The following TEX11 variants were observed in gnomAD, a reference collection of about 807,000 sequenced individuals.
The protein encoded by TEX11 is testis expressed 11.
TEX11 carries 7 observed loss-of-function variants against 84.4 expected under a neutral mutation model. The ratio of observed to expected loss-of-function variants is 0.08; its 90% CI spans 0.05 to 0.16. The LOEUF is 0.16. Ranked by LOEUF, TEX11 falls within the 10% of genes least tolerant of loss-of-function variation. The probability of loss-of-function intolerance (pLI) is 1.00; values close to 1 mark genes in which losing one functional copy is unlikely to be tolerated. For synonymous variants in TEX11, 264 were observed against 222.8 expected, an observed-to-expected ratio of 1.18 and a Z score of -1.64; for missense variants, 551 against 660.5, an observed-to-expected ratio of 0.83 and a Z score of 1.82.
downstream of TEX11, among the ~76,000 whole-genome samples, chrX:70,524,098 G>A (rs1603021196): frequency 8.9e-6 from 1 of 111,905 alleles, no homozygotes; most frequent in African/African-American, 3.2e-5. Context: ...CTGGAAAAGT[G>A]TAGATAGTAC....
At chrX:70,619,457 C>T (rs1170610076) in intron 20 of TEX11, among the ~76,000 whole-genome samples, 1 of 111,401 alleles carries the variant, frequency 9.0e-6, no homozygotes, top group Non-Finnish European at 1.9e-5. Flanking sequence ...TCTGGACCAG[C>T]ACCTAATGTT....
chrX:70,736,539 G>T (rs1349073691), intron 11 of TEX11, among the ~76,000 whole-genome samples: 1 of 103,174 alleles, frequency 9.7e-6, no homozygotes, highest in Non-Finnish European at 2.0e-5. Flanking sequence ...TCTGAGTGAG[G>T]CAAAAAAAAA....
In TEX11 at chrX:70,755,968, A is replaced by G. The variant is rs189389033; in HGVS notation, c.693-11749T>C. On this transcript the variant is annotated intron_variant, in intron 9 of 29. Transcript: ENST00000374333. ...TCCCGTGCTTGGCTCGGCGGGTCCC[A>G]TGCCCAAGGAGCCTTGCTCACTGCT... is the stretch of plus-strand genomic sequence containing the variant. 5.3e-5 allele frequency among the ~76,000 whole-genome samples: 6 copies of G among 112,538 alleles called. No individual in the cohort carries two copies. The East Asian group carries it at 1.7e-3, about 32-fold the overall frequency.
chrX:70,688,550 A>G (rs1032976781), intron 13 of TEX11, among the ~76,000 whole-genome samples: 1 of 110,572 alleles, frequency 9.0e-6, no homozygotes, highest in Non-Finnish European at 1.9e-5. Flanking sequence ...CACAAAAGCA[A>G]AAAGAAGAGC....
At chrX:70,567,681 G>T (rs2088511402) in intron 25 of TEX11, among the ~76,000 whole-genome samples, 1 of 111,380 alleles carries the variant, frequency 9.0e-6, no homozygotes, top group Non-Finnish European at 1.9e-5. Flanking sequence ...TCATTCAGGA[G>T]CAGGTTGTTC....
chrX:70,887,741 G>A (rs2091717439), intron 2 of TEX11, among the ~76,000 whole-genome samples: 2 of 112,369 alleles, frequency 1.8e-5, no homozygotes, highest in South Asian at 3.7e-4. Flanking sequence ...TGGTAGCAGC[G>A]GGCCTTGGTT....
At chrX:70,574,725 G>T (rs1435157610) in intron 25 of TEX11, among the ~76,000 whole-genome samples, 1 of 111,778 alleles carries the variant, frequency 8.9e-6, no homozygotes, top group East Asian at 2.8e-4. Context: ...ATTCTATTTA[G>T]GGAGACAAAC....
At chrX:70,583,661 A>C (rs1641660136) in intron 25 of TEX11, among the ~76,000 whole-genome samples, 1 of 112,001 alleles carries the variant, frequency 8.9e-6, no homozygotes, top group African/African-American at 3.2e-5. Flanking sequence ...AGTCATCAGA[A>C]AAATGCAAAT....
At chrX:70,783,135 C>T (rs138285083) in intron 9 of TEX11, among the ~76,000 whole-genome samples, 7,925 of 111,717 alleles carry the variant, frequency 0.071, 236 homozygotes, top group East Asian at 0.12. Context: ...AACTGTCTCT[C>T]AGACCACAGT....
At chrX:70,573,157 G>T (rs968681811) in intron 25 of TEX11, among the ~76,000 whole-genome samples, 4 of 110,764 alleles carry the variant, frequency 3.6e-5, no homozygotes, top group African/African-American at 9.9e-5. Context: ...ATAAGTATCT[G>T]GGAACCATAA....
At chrX:70,886,197 C>A (rs185342598) in intron 2 of TEX11, among the ~76,000 whole-genome samples, 4 of 111,702 alleles carry the variant, frequency 3.6e-5, no homozygotes, top group Non-Finnish European at 7.5e-5. Flanking sequence ...ATGCAAATGT[C>A]CACCAGCAAA....
chrX:70,864,014 C>T (rs1036255279), intron 4 of TEX11, among the ~76,000 whole-genome samples: 1 of 111,359 alleles, frequency 9.0e-6, no homozygotes, highest in East Asian at 2.8e-4. Context: ...TGAAATAAGG[C>T]GTGAAGACAA....
At chrX:70,712,755 C>T (rs1345547954) in intron 13 of TEX11, among the ~76,000 whole-genome samples, 33 of 110,803 alleles carry the variant, frequency 3.0e-4, no homozygotes, top group Non-Finnish European at 5.9e-4. Context: ...ATTTGACTTC[C>T]TCTTTTCCTA....
chrX:70,862,906 A>G (rs1461109482), intron 4 of TEX11, among the ~76,000 whole-genome samples: 1 of 99,859 alleles, frequency 1.0e-5, no homozygotes, highest in Non-Finnish European at 2.0e-5. Context: ...TAAGAACACA[A>G]CTCCAACTCA....
chrX:70,798,653 T>C (rs895951346), intron 9 of TEX11, among the ~76,000 whole-genome samples: 2 of 111,740 alleles, frequency 1.8e-5, no homozygotes, highest in Non-Finnish European at 3.8e-5. Context: ...TACAGACCAA[T>C]GGAATAGAAT....
At chrX:70,860,461 G>A (rs2091562722) in intron 5 of TEX11, among the ~76,000 whole-genome samples, 1 of 111,442 alleles carries the variant, frequency 9.0e-6, no homozygotes, top group South Asian at 3.7e-4. Flanking sequence ...CCTAACCTAG[G>A]TCTTGAGACT....
rs2090099731 is a variant in TEX11, at chrX:70,678,878, C to T, written c.1168G>A (p.Gly390Arg). The T allele has an allele frequency of 1.7e-6, 2 of 1,159,705 alleles. No individual in the cohort carries two copies. The highest frequency in any genetic ancestry group is 1.9e-5 in the South Asian group (1 of 52,286). Reference protein sequence around the residue: ...IEEIFLAHQTGRQLTAESMNW... With the variant: ...IEEIFLAHQTRRQLTAESMNW... ...ATTGATTCTGCTGTCAGTTGTCTTCCTGTTTGGTGAGCTGAAAAAAAAAAA... is the reference window on the plus strand; with the variant it reads ...ATTGATTCTGCTGTCAGTTGTCTTCTTGTTTGGTGAGCTGAAAAAAAAAAA... The change falls in exon 15 of 30, where the codon GGA becomes AGA. Residue 390 changes from glycine to arginine, a missense_variant. Coordinates refer to ENST00000374333, the MANE Select transcript of TEX11 (RefSeq NM_031276.3).
intron 4 of TEX11, 27 bp downstream of exon 4, chrX:70,873,196 A>G: frequency 2.2e-6 from 2 of 905,157 alleles, no homozygotes; most frequent in Non-Finnish European, 3.2e-6. Flanking sequence ...CACGCCTCAT[A>G]ATACATGTCA....
At chrX:70,654,709 CAAA>C (rs56822297) in intron 16 of TEX11, among the ~76,000 whole-genome samples, 505 of 37,598 alleles carry the variant, frequency 0.013, 1 homozygote, top group African/African-American at 0.057. Flanking sequence ...GACTCTGTCT[CAAA>C]AAAAAAAAAA....
Sources: gnomAD v4.1 joint callset for allele counts (sites outside exome capture counted in the v4.1 genomes callset) on GRCh38, gnomAD v4.1.1 for gene constraint, MANE v1.5 for transcripts, NCBI Gene and HGNC (gene_info 2026-07-23, HGNC 2026-07-21) for gene names.